GSE1: variants seen among roughly 807,000 people sequenced by gnomAD.
GSE1 encodes the protein genetic suppressor element 1.
A neutral mutation model predicts 112.6 loss-of-function variants in GSE1; 32 were observed. The observed-to-expected ratio is 0.28, with a 90% CI of 0.21 to 0.38. GSE1 has a LOEUF of 0.38. Among genes scored for constraint, GSE1 ranks in the 10% least tolerant of loss-of-function variants. GSE1 has a pLI of 1.00. For synonymous variants in GSE1, 1,115 were observed against 735.6 expected (o/e 1.52, Z -8.35); for missense variants, 2,348 against 1,699.2 (o/e 1.38, Z -6.71).
intron 1 of GSE1, among the ~76,000 whole-genome samples, chr16:85,298,128 T>A (rs1166994195): frequency 6.6e-6 from 1 of 152,210 alleles, no homozygotes; most frequent in East Asian, 1.9e-4. Flanking sequence ...CCAGATCTTA[T>A]TAGAAAAGCG....
At chr16:85,482,742 C>G (rs532609275) in intron 2 of GSE1, among the ~76,000 whole-genome samples, 4 of 152,164 alleles carry the variant, frequency 2.6e-5, no homozygotes, top group Non-Finnish European at 5.9e-5. Flanking sequence ...CTTTGGGAGG[C>G]CAAGGAGGGC....
chr16:85,635,952 C>G (rs555510548), intron 2 of GSE1, among the ~76,000 whole-genome samples: 1 of 152,234 alleles, frequency 6.6e-6, no homozygotes, highest in Non-Finnish European at 1.5e-5. Context: ...CTCACAGGGC[C>G]GTCGCTTCCT....
At chr16:85,203,739 C>T (rs1444961043) in intron 1 of GSE1, among the ~76,000 whole-genome samples, 1 of 152,132 alleles carries the variant, frequency 6.6e-6, no homozygotes, top group Non-Finnish European at 1.5e-5. Context: ...GTCAGTTTTA[C>T]AAAACTTTAC....
chr16:85,392,480 C>T (rs1043746773), intron 2 of GSE1, among the ~76,000 whole-genome samples: 12 of 152,174 alleles, frequency 7.9e-5, no homozygotes, highest in African/African-American at 2.9e-4. Context: ...TGAACATATT[C>T]TGAAATTGAC....
chr16:85,487,964 A>T (rs9937990), intron 2 of GSE1, among the ~76,000 whole-genome samples: 1 of 152,014 alleles, frequency 6.6e-6, no homozygotes, highest in African/African-American at 2.4e-5. Flanking sequence ...CAGTGCCACT[A>T]GTCACTCCTC....
intron 1 of GSE1, chr16:85,285,765 A>T (rs1363022372): frequency 6.6e-6 from 1 of 152,224 alleles, no homozygotes; most frequent in Admixed American, 6.5e-5. Flanking sequence ...CAGGACCTGC[A>T]TGTTAACAAA....
At chr16:85,250,351 G>C (rs1193184503) in intron 1 of GSE1, among the ~76,000 whole-genome samples, 2 of 152,200 alleles carry the variant, frequency 1.3e-5, no homozygotes, top group East Asian at 3.9e-4. Context: ...CTGCAGGACC[G>C]GCTGGCAGTT....
In GSE1 at chr16:85,181,679, T is replaced by G. The variant is rs546570995; in HGVS notation, c.2283+9872T>G. The stretch of plus-strand genomic sequence containing the variant: ...AGGTTTGCAGGCTAGGAGGCTTGTG[T>G]GGGGGAGTGACAGTGATAAGGGCGG... On this transcript the variant is annotated intron_variant, in intron 1 of 2. Transcript: ENST00000637419. 4.6e-5 allele frequency among the ~76,000 whole-genome samples: 7 copies of G among 152,178 alleles called. No homozygotes were observed. In the South Asian group the frequency reaches 1.5e-3, roughly 32 times the overall value.
intron 1 of GSE1, among the ~76,000 whole-genome samples, chr16:85,253,280 G>A (rs1906715161): frequency 1.3e-5 from 2 of 152,162 alleles, no homozygotes; most frequent in Admixed American, 1.3e-4. Flanking sequence ...CTGCCCTGGA[G>A]TCTGCAACCC....
At chr16:85,516,215 C>T (rs996758189) in intron 2 of GSE1, among the ~76,000 whole-genome samples, 7 of 151,752 alleles carry the variant, frequency 4.6e-5, no homozygotes, top group Admixed American at 2.6e-4. Flanking sequence ...GGGAAGGGGG[C>T]GGAGCTGGGC....
chr16:85,248,997 G>A (rs1451832280), intron 1 of GSE1, among the ~76,000 whole-genome samples: 2 of 152,196 alleles, frequency 1.3e-5, no homozygotes, highest in African/African-American at 4.8e-5. Context: ...GGGCGGGGGA[G>A]ACACAGACAC....
At chr16:85,428,483 C>G (rs8049860) in intron 2 of GSE1, among the ~76,000 whole-genome samples, 110,923 of 151,940 alleles carry the variant, frequency 0.73, 42,294 homozygotes, top group Non-Finnish European at 0.84. Flanking sequence ...GGGCGATAAT[C>G]GCCCCTGCCT....
chr16:85,523,836 A>G (rs2151162202), intron 2 of GSE1, among the ~76,000 whole-genome samples: 1 of 152,332 alleles, frequency 6.6e-6, no homozygotes, highest in South Asian at 2.1e-4. Flanking sequence ...AGAGCCAGCA[A>G]CACCACGGGG....
chr16:85,333,051 A>G (rs1010712054), intron 1 of GSE1, among the ~76,000 whole-genome samples: 4 of 151,682 alleles, frequency 2.6e-5, no homozygotes, highest in African/African-American at 9.7e-5. Flanking sequence ...ATCCCTTTGT[A>G]CCCCGCCGCC....
Position 85,672,518 on chromosome 16 carries a change from CCTGAAGGGATAT to C in GSE1, c.3635_3646del (p.Leu1212_Tyr1215del). On this transcript the variant is annotated inframe_deletion, in exon 16 of 16. Coordinates refer to ENST00000253458, the MANE Select transcript of GSE1 (RefSeq NM_014615.5). ...CTGCAATGCACTGGCCTAGGGGCTACCTGAAGGGATATCCCAGGTGACGGTTTCCCTTGCACT... is the reference window on the plus strand; with the variant it reads ...CTGCAATGCACTGGCCTAGGGGCTACCCCAGGTGACGGTTTCCCTTGCACT... 1 of 1,608,710 alleles carries C rather than the reference CCTGAAGGGATAT, an allele frequency of 6.2e-7. No individual in the cohort carries two copies. Among genetic ancestry groups the C allele is most frequent in the East Asian group, 2.2e-5 (1 of 44,722 alleles).
chr16:85,549,929 T>G (rs374766155), intron 2 of GSE1, among the ~76,000 whole-genome samples: 1 of 152,080 alleles, frequency 6.6e-6, no homozygotes, highest in Admixed American at 6.6e-5. Flanking sequence ...TAAGATGACA[T>G]CGTAGGAAAG....
At chr16:85,275,386 G>T (rs1372032841) in intron 1 of GSE1, among the ~76,000 whole-genome samples, 1 of 152,214 alleles carries the variant, frequency 6.6e-6, no homozygotes, top group Non-Finnish European at 1.5e-5. Context: ...TCTGTCGGGA[G>T]AGCATGAGCC....
upstream of GSE1, among the ~76,000 whole-genome samples, chr16:85,607,238 G>C (rs912202718): frequency 1.3e-5 from 2 of 152,126 alleles, no homozygotes; most frequent in Non-Finnish European, 2.9e-5. Context: ...ACCCGTTTCA[G>C]GTTTCCCCGC....
intron 2 of GSE1, among the ~76,000 whole-genome samples, chr16:85,538,983 G>T: frequency 6.6e-6 from 1 of 152,090 alleles, no homozygotes; most frequent in East Asian, 1.9e-4. Context: ...TGCCATCCGG[G>T]CCACCATGGC....
Sources: allele counts gnomAD v4.1 joint callset (sites outside exome capture counted in the v4.1 genomes callset), GRCh38; gene constraint gnomAD v4.1.1; transcripts MANE v1.5; gene names NCBI Gene and HGNC (gene_info 2026-07-23, HGNC 2026-07-21).